The following WWOX variants were observed in gnomAD, a reference collection of about 807,000 sequenced individuals.
WWOX encodes WW domain-containing oxidoreductase.
A neutral mutation model predicts 46.2 loss-of-function variants in WWOX; 69 were observed. The observed-to-expected ratio is 1.49, with a 90% CI of 1.23 to 1.82. The LOEUF (loss-of-function observed/expected upper bound fraction) is 1.82, where lower values mean the gene tolerates loss of function less well. Ranked by LOEUF, WWOX falls within the 40% of genes most tolerant of loss-of-function variation. The probability of loss-of-function intolerance (pLI) is 0.00; values close to 1 mark genes in which losing one functional copy is unlikely to be tolerated. For synonymous variants in WWOX, 359 were observed against 202.6 expected (o/e 1.77, Z -6.56); for missense variants, 919 against 542.6 (o/e 1.69, Z -6.89).
intron 8 of WWOX, chr16:78,981,958 C>G (rs1020976930): frequency 6.6e-6 from 1 of 152,134 alleles, no homozygotes; most frequent in Admixed American, 6.6e-5. Flanking sequence ...GCTGGAGAGA[C>G]CCTCCCAGAA....
chr16:78,485,454 C>G lies in WWOX; in HGVS notation c.1056+52702C>G, dbSNP rs117851873. The stretch of plus-strand genomic sequence containing the variant: ...TCAACTTCCATAGGAACCAAACTCT[C>G]TTTCTTCCTCCCGTTTGGTTGGAAA... On this transcript the variant is annotated intron_variant, in intron 8 of 8. Coordinates refer to ENST00000566780, the MANE Select transcript of WWOX (RefSeq NM_016373.4). 5.6e-4 allele frequency among the ~76,000 whole-genome samples: 86 copies of G among 152,312 alleles called. 1 individual carries two copies. The East Asian group carries it at 0.013, about 24-fold the overall frequency.
In WWOX at chr16:78,337,766, G is replaced by A. The variant is rs562351827; in HGVS notation, c.517-49094G>A. Among the ~76,000 whole-genome samples, 6 of 56,140 alleles carry A rather than the reference G, an allele frequency of 1.1e-4. 1 individual carries two copies. Among genetic ancestry groups the A allele is most frequent in the South Asian group, 8.2e-4 (2 of 2,426 alleles). 36.8% of individuals were successfully genotyped at this position (56,140 alleles called of 152,430 possible). A position where few individuals can be genotyped will look rare whatever the true frequency, so the allele number is the denominator to read the frequency against. The stretch of plus-strand genomic sequence containing the variant: ...ATGAAATATCCCTGTACTCCAAGAT[G>A]CCTCCAGCAATTATAATTGAATCTT... On this transcript the variant is annotated intron_variant, in intron 5 of 8. Coordinates refer to ENST00000566780, the MANE Select transcript of WWOX (RefSeq NM_016373.4).
Position 79,008,410 on chromosome 16 carries a change from C to T in WWOX, c.1057-203198C>T, listed in dbSNP as rs528454583. 2.9e-4 allele frequency among the ~76,000 whole-genome samples: 44 copies of T among 152,300 alleles called. No individual in the cohort carries two copies. In the South Asian group the frequency reaches 6.4e-3, roughly 22 times the overall value. On this transcript the variant is annotated intron_variant, in intron 8 of 8. Transcript: ENST00000566780. ...TGCGTTCAGGCCTCCATGACATCTG[C>T]GAAATTCCTCCCCCTTTGCTTGGTA...
At chr16:78,953,189 G>C (rs1265172254) in intron 8 of WWOX, among the ~76,000 whole-genome samples, 1 of 151,836 alleles carries the variant, frequency 6.6e-6, no homozygotes, top group Non-Finnish European at 1.5e-5. Flanking sequence ...GACCAGGCAG[G>C]ATAACTATCT....
chr16:78,645,025 C>G (rs769646518), intron 8 of WWOX, among the ~76,000 whole-genome samples: 2 of 152,136 alleles, frequency 1.3e-5, no homozygotes, highest in African/African-American at 4.8e-5. Context: ...TTAAATAGTG[C>G]TTTCTTTTCT....
chr16:78,207,686 G>A (rs934765534), intron 5 of WWOX, among the ~76,000 whole-genome samples: 17 of 150,498 alleles, frequency 1.1e-4, no homozygotes, highest in African/African-American at 3.4e-4. Context: ...GTGCATTGCT[G>A]GGATGATGAG....
intron 8 of WWOX, among the ~76,000 whole-genome samples, chr16:79,152,299 T>C (rs1117007): frequency 0.43 from 65,478 of 151,836 alleles, 16,147 homozygotes; most frequent in African/African-American, 0.68. Context: ...GGAATGCAGG[T>C]GGAACAGGCT....
chr16:79,181,138 C>G lies in WWOX; in HGVS notation c.1057-30470C>G, dbSNP rs566431181. Among the ~76,000 whole-genome samples, 6 of 152,280 alleles carry G rather than the reference C, an allele frequency of 3.9e-5. No homozygotes were observed. The South Asian group carries it at 1.2e-3, about 32-fold the overall frequency. On this transcript the variant is annotated intron_variant, in intron 8 of 8. Transcript: ENST00000566780. ...GTGGCAATTTTGGACCTTCTGTGAC[C>G]GTGCAAACATGCAGATTATACATGC...
chr16:78,375,971 C>A (rs572565433), intron 5 of WWOX, among the ~76,000 whole-genome samples: 1 of 151,746 alleles, frequency 6.6e-6, no homozygotes, highest in South Asian at 2.1e-4. Flanking sequence ...CTGCCTCAGC[C>A]TTCCAATTAG....
intron 8 of WWOX, among the ~76,000 whole-genome samples, chr16:78,481,325 T>G (rs577072877): frequency 2.0e-5 from 3 of 152,184 alleles, no homozygotes; most frequent in African/African-American, 7.2e-5. Context: ...CTGTCTCTCT[T>G]GGTTTTCAGT....
chr16:79,153,484 C>T (rs917224354), intron 8 of WWOX, among the ~76,000 whole-genome samples: 4 of 152,120 alleles, frequency 2.6e-5, no homozygotes, highest in African/African-American at 7.2e-5. Flanking sequence ...TGCCTTTTGT[C>T]GTTATGTCTA....
At chr16:79,195,068 C>G (rs1261292552) in intron 8 of WWOX, among the ~76,000 whole-genome samples, 1 of 152,002 alleles carries the variant, frequency 6.6e-6, no homozygotes, top group South Asian at 2.1e-4. Context: ...TTGGTCATTC[C>G]GGATGGCTAA....
chr16:78,800,120 C>G (rs2050848291), intron 8 of WWOX, among the ~76,000 whole-genome samples: 1 of 152,026 alleles, frequency 6.6e-6, no homozygotes, highest in South Asian at 2.1e-4. Context: ...TAAATTTTAT[C>G]TTTGCACTAA....
intron 8 of WWOX, among the ~76,000 whole-genome samples, chr16:78,841,834 T>C (rs1208087424): frequency 1.3e-5 from 2 of 152,244 alleles, no homozygotes; most frequent in Non-Finnish European, 2.9e-5. Context: ...TAGATTATGT[T>C]ATTCATGAAT....
At chr16:78,231,274 A>G (rs2037252726) in intron 5 of WWOX, among the ~76,000 whole-genome samples, 2 of 152,244 alleles carry the variant, frequency 1.3e-5, no homozygotes, top group South Asian at 4.1e-4. Flanking sequence ...AGCAAGAGTT[A>G]CTTATGAGAT....
intron 8 of WWOX, among the ~76,000 whole-genome samples, chr16:79,097,964 G>A (rs994863817): frequency 6.6e-6 from 1 of 152,118 alleles, no homozygotes; most frequent in Non-Finnish European, 1.5e-5. Flanking sequence ...AGGCAGTGTG[G>A]CAATGCTTCA....
intron 8 of WWOX, among the ~76,000 whole-genome samples, chr16:79,211,024 T>A (rs1257381161): frequency 7.8e-6 from 1 of 128,938 alleles, no homozygotes; most frequent in African/African-American, 3.3e-5. Context: ...AGTATGAATG[T>A]ATGGTGAGGA....
intron 8 of WWOX, among the ~76,000 whole-genome samples, chr16:78,453,385 A>C (rs1342578929): frequency 6.6e-6 from 1 of 151,774 alleles, no homozygotes; most frequent in African/African-American, 2.4e-5. Context: ...ATCACGCCAC[A>C]GCACTTCAGC....
chr16:79,038,995 A>G (rs2047921168), intron 8 of WWOX, among the ~76,000 whole-genome samples: 1 of 152,186 alleles, frequency 6.6e-6, no homozygotes, highest in African/African-American at 2.4e-5. Context: ...AATGTCTGCC[A>G]CAAATGGGAG....
Sources: gnomAD v4.1 joint callset for allele counts (sites outside exome capture counted in the v4.1 genomes callset) on GRCh38, gnomAD v4.1.1 for gene constraint, MANE v1.5 for transcripts, NCBI Gene and HGNC (gene_info 2026-07-23, HGNC 2026-07-21) for gene names.